The following ARHGAP25 variants were observed in gnomAD, a reference collection of about 807,000 sequenced individuals.
The protein encoded by ARHGAP25 is Rho GTPase activating protein 25, also known as rho GTPase-activating protein 25.
In ARHGAP25, 34 loss-of-function variants were observed where a neutral mutation model predicts 71.0. The ratio of observed to expected loss-of-function variants is 0.48; its 90% CI spans 0.36 to 0.64. ARHGAP25 has a LOEUF of 0.64. Among genes scored for constraint, ARHGAP25 ranks in the 30% least tolerant of loss-of-function variants. The probability of loss-of-function intolerance (pLI) is 0.00; values close to 1 mark genes in which losing one functional copy is unlikely to be tolerated. For synonymous variants in ARHGAP25, 282 were observed against 296.5 expected (o/e 0.95, Z 0.50); for missense variants, 706 against 805.1 (o/e 0.88, Z 1.49).
intron 5 of ARHGAP25, among the ~76,000 whole-genome samples, chr2:68,810,034 G>A (rs924046662): frequency 5.3e-5 from 8 of 151,876 alleles, no homozygotes; most frequent in Admixed American, 2.6e-4. Flanking sequence ...CCAGGGAAGG[G>A]CTGGCAGAAC....
rs371082834 is a variant in ARHGAP25 at position 68,723,639 on chromosome 2, C to T, written c.-18+12941C>T. Among the ~76,000 whole-genome samples the T allele has an allele frequency of 7.9e-5, 12 of 152,316 alleles. 1 individual carries two copies. In the East Asian group the frequency reaches 1.5e-3, roughly 20 times the overall value. On this transcript the variant is annotated intron_variant and NMD_transcript_variant, in intron 2 of 7. Coordinates refer to the ARHGAP25 transcript ENST00000463483. ...GCTGAGAGGATGGGGACTGTGAGCA[C>T]CTGCTAACTCTTCTATCCCTAGTCC...
chr2:68,747,416 C>T (rs77218940), intron 1 of ARHGAP25, among the ~76,000 whole-genome samples: 1 of 152,186 alleles, frequency 6.6e-6, no homozygotes, highest in Admixed American at 6.5e-5. Flanking sequence ...CAAAGCATTA[C>T]ACCAAGTGCA....
intron 7 of ARHGAP25, 46 bp downstream of exon 7, chr2:68,816,408 A>G: frequency 6.8e-7 from 1 of 1,474,988 alleles, no homozygotes; most frequent in Non-Finnish European, 9.5e-7. Flanking sequence ...ACCCCATCAG[A>G]AAGAAGCTCC....
chr2:68,739,306 TGCCCAATGGCCCTG>T (rs1675391081), intron 1 of ARHGAP25, among the ~76,000 whole-genome samples: 1 of 152,246 alleles, frequency 6.6e-6, no homozygotes, highest in East Asian at 1.9e-4. Flanking sequence ...AGGGTTAAGA[TGCCCAATGGCCCTG>T]GCGTGGGTAT....
intron 2 of ARHGAP25, among the ~76,000 whole-genome samples, chr2:68,781,860 G>A (rs1678364876): frequency 1.3e-5 from 2 of 152,196 alleles, no homozygotes; most frequent in African/African-American, 4.8e-5. Context: ...CCCTCTGGCA[G>A]CTTGGCAGGT....
upstream of ARHGAP25, among the ~76,000 whole-genome samples, chr2:68,730,826 G>A (rs77552658): frequency 0.039 from 6,000 of 152,024 alleles, 391 homozygotes; most frequent in African/African-American, 0.14. Context: ...TTTTCACAGC[G>A]ATCTGCCATT....
chr2:68,805,911 C>T (rs1369356784), intron 4 of ARHGAP25, among the ~76,000 whole-genome samples: 1 of 152,174 alleles, frequency 6.6e-6, no homozygotes, highest in Admixed American at 6.5e-5. Context: ...ACAGAAGCCA[C>T]GGCCTGTCTT....
intron 5 of ARHGAP25, among the ~76,000 whole-genome samples, chr2:68,808,179 G>A (rs56679008): frequency 0.014 from 2,157 of 151,684 alleles, 51 homozygotes; most frequent in African/African-American, 0.049. Flanking sequence ...ATCCCCACCC[G>A]ATGTTGTGCA....
chr2:68,765,902 T>G (rs565860216), intron 1 of ARHGAP25, among the ~76,000 whole-genome samples: 1 of 152,314 alleles, frequency 6.6e-6, no homozygotes, highest in South Asian at 2.1e-4. Context: ...AGAAACTGAC[T>G]GGAGTGACGT....
At chr2:68,810,661 T>C (rs1680724521) in intron 5 of ARHGAP25, among the ~76,000 whole-genome samples, 1 of 152,174 alleles carries the variant, frequency 6.6e-6, no homozygotes, top group Non-Finnish European at 1.5e-5. Context: ...TTAAACTGTC[T>C]AGGTGTCTTT....
intron 2 of ARHGAP25, among the ~76,000 whole-genome samples, chr2:68,780,646 C>T (rs1393439760): frequency 6.6e-6 from 1 of 151,988 alleles, no homozygotes; most frequent in Admixed American, 6.6e-5. Flanking sequence ...TCTCCTCCTC[C>T]ATTTGTTCTT....
intron 4 of ARHGAP25, among the ~76,000 whole-genome samples, chr2:68,796,606 A>C (rs139669992): frequency 3.5e-4 from 54 of 152,316 alleles, no homozygotes; most frequent in Non-Finnish European, 6.3e-4. Context: ...TTCCTTGGTC[A>C]TAAATAGCCT....
chr2:68,821,906 G>GTTTTTTTTTTTTTTTTT (rs59964574), intron 9 of ARHGAP25, among the ~76,000 whole-genome samples: 1 of 81,646 alleles, frequency 1.2e-5, no homozygotes, highest in African/African-American at 5.2e-5. Flanking sequence ...CTTTTTGCTA[G>GTTTTTTTTTTTTTTTTT]TTTTTTTTTT....
At chr2:68,774,694 G>T (rs1677736286) in intron 1 of ARHGAP25, 1 of 975,732 alleles carries the variant, frequency 1.0e-6, no homozygotes, top group African/African-American at 1.8e-5. Context: ...GTTCCACAGC[G>T]AGGTTGGAGC....
At chr2:68,775,500 A>C in intron 2 of ARHGAP25, 80 bp downstream of exon 2, 886 of 1,595,670 alleles carry the variant, frequency 5.6e-4, no homozygotes, top group Non-Finnish European at 6.9e-4. Context: ...ACTTAAACTC[A>C]CAGGGGCCTT....
intron 1 of ARHGAP25, among the ~76,000 whole-genome samples, chr2:68,752,882 G>A (rs1676257755): frequency 6.6e-6 from 1 of 152,116 alleles, no homozygotes; most frequent in Non-Finnish European, 1.5e-5. Flanking sequence ...AAGAGAGAGA[G>A]AGAGAAAGAG....
chr2:68,713,072 G>A (rs1674526007), intron 2 of ARHGAP25, among the ~76,000 whole-genome samples: 1 of 152,112 alleles, frequency 6.6e-6, no homozygotes, highest in South Asian at 2.1e-4. Context: ...TGATAGGGAT[G>A]GCATTGAATC....
chr2:68,737,303 CAAAG>C (rs932915888), intron 1 of ARHGAP25, among the ~76,000 whole-genome samples: 23 of 152,294 alleles, frequency 1.5e-4, no homozygotes, highest in African/African-American at 5.5e-4. Context: ...ACCAATATAT[CAAAG>C]AAACTTACCT....
At chr2:68,732,397 T>C (rs1675044633), upstream of ARHGAP25, among the ~76,000 whole-genome samples, 1 of 152,212 alleles carries the variant, frequency 6.6e-6, no homozygotes, top group Admixed American at 6.5e-5. Flanking sequence ...GACTGAAATT[T>C]TAGATGGTGT....
Sources: allele counts gnomAD v4.1 joint callset (sites outside exome capture counted in the v4.1 genomes callset), GRCh38; gene constraint gnomAD v4.1.1; transcripts MANE v1.5; gene names NCBI Gene and HGNC (gene_info 2026-07-23, HGNC 2026-07-21).